The following MYO16 variants were observed in gnomAD, a reference collection of about 807,000 sequenced individuals.
The protein encoded by MYO16 is unconventional myosin-XVI.
Under a neutral mutation model 205.3 loss-of-function variants are expected in MYO16, and 94 were observed. The observed-to-expected ratio is 0.46, with a 90% CI of 0.39 to 0.54. The LOEUF (loss-of-function observed/expected upper bound fraction) is 0.54. MYO16 is among the 20% of genes least tolerant of loss of function. The pLI is 0.00. For missense variants in MYO16, 2,315 were observed against 2,387.5 expected (o/e 0.97, Z 0.63); for synonymous variants, 988 against 954.0 (o/e 1.04, Z -0.66).
At chr13:108,680,208 A>C (rs1882405381) in intron 2 of MYO16, among the ~76,000 whole-genome samples, 1 of 152,216 alleles carries the variant, frequency 6.6e-6, no homozygotes, top group African/African-American at 2.4e-5. Context: ...CCATGAGAGC[A>C]GGCTCTGGCT....
the MYO16 span, among the ~76,000 whole-genome samples, chr13:108,569,309 A>G: frequency 6.6e-6 from 1 of 151,754 alleles, no homozygotes; most frequent in Non-Finnish European, 1.5e-5. Flanking sequence ...AATGCCTTTT[A>G]TTTACTTTGA....
At chr13:108,867,107 A>T (rs566687245) in intron 12 of MYO16, among the ~76,000 whole-genome samples, 3 of 152,080 alleles carry the variant, frequency 2.0e-5, no homozygotes, top group Admixed American at 6.6e-5. Flanking sequence ...ACTTTGGAGG[A>T]CCAAGGCTGG....
At chr13:108,868,137 G>T (rs190415786) in intron 12 of MYO16, among the ~76,000 whole-genome samples, 18 of 151,352 alleles carry the variant, frequency 1.2e-4, no homozygotes, top group Admixed American at 6.6e-4. Flanking sequence ...ATTTTTTTTT[G>T]ATAACATATG....
At chr13:108,907,028 A>G (rs1271170731) in intron 15 of MYO16, among the ~76,000 whole-genome samples, 1 of 152,150 alleles carries the variant, frequency 6.6e-6, no homozygotes, top group Non-Finnish European at 1.5e-5. Context: ...GGTGCTTGCT[A>G]ATTGAAGGCA....
chr13:109,017,290 A>AC (rs748115984), intron 22 of MYO16, among the ~76,000 whole-genome samples: 7 of 151,776 alleles, frequency 4.6e-5, no homozygotes, highest in Non-Finnish European at 8.8e-5. Flanking sequence ...TTGAATATTG[A>AC]CCCCCACTCT....
At chr13:108,637,719 A>G (rs7319369) in intron 1 of MYO16, among the ~76,000 whole-genome samples, 5,707 of 152,114 alleles carry the variant, frequency 0.038, 129 homozygotes, top group Middle Eastern at 0.054. Context: ...TACCAAAAAT[A>G]TATAAATTAG....
chr13:108,625,734 A>G (rs1555333013), upstream of MYO16, among the ~76,000 whole-genome samples: 1 of 152,248 alleles, frequency 6.6e-6, no homozygotes, highest in Non-Finnish European at 1.5e-5. Context: ...AATTTGCATA[A>G]CAAAAAACTG....
intron 16 of MYO16, among the ~76,000 whole-genome samples, chr13:108,911,172 A>C (rs542744000): frequency 4.6e-5 from 7 of 151,934 alleles, no homozygotes; most frequent in Non-Finnish European, 7.4e-5. Context: ...TTCCCCAGCA[A>C]GCCCTCCTCT....
intron 27 of MYO16, among the ~76,000 whole-genome samples, chr13:109,072,936 C>T (rs115972067): frequency 6.6e-6 from 1 of 152,218 alleles, no homozygotes; most frequent in African/African-American, 2.4e-5. Context: ...TATGGATTGT[C>T]TGCTACGTAC....
chr13:108,733,968 CA>C (rs528905537), intron 4 of MYO16, among the ~76,000 whole-genome samples: 1 of 149,986 alleles, frequency 6.7e-6, no homozygotes, highest in South Asian at 2.1e-4. Flanking sequence ...GACTCCGTCT[CA>C]AAAAAAAATA....
At chr13:109,068,933 A>T (rs12428368) in intron 27 of MYO16, among the ~76,000 whole-genome samples, 1,818 of 152,252 alleles carry the variant, frequency 0.012, 21 homozygotes, top group South Asian at 0.033. Context: ...AAATGGGTCA[A>T]TAGTCAACAA....
At chr13:108,618,250 G>C (rs1257250431) in intron 1 of MYO16, among the ~76,000 whole-genome samples, 1 of 152,080 alleles carries the variant, frequency 6.6e-6, no homozygotes, top group Non-Finnish European at 1.5e-5. Flanking sequence ...TCATTTTTCA[G>C]GTCAGGGATC....
At chr13:108,568,795 C>T in the MYO16 span, among the ~76,000 whole-genome samples, 1 of 151,928 alleles carries the variant, frequency 6.6e-6, no homozygotes, top group African/African-American at 2.4e-5. Flanking sequence ...AGATTTACTC[C>T]TACATTTTCT....
the MYO16 span, among the ~76,000 whole-genome samples, chr13:108,524,249 G>A: frequency 1.2e-4 from 18 of 151,718 alleles, no homozygotes; most frequent in East Asian, 7.8e-4. Context: ...GCAGTGAGCC[G>A]AGATTGCGCC....
chr13:108,955,443 C>G (rs962259736), intron 16 of MYO16, among the ~76,000 whole-genome samples: 1 of 152,214 alleles, frequency 6.6e-6, no homozygotes, highest in African/African-American at 2.4e-5. Flanking sequence ...ACAGATCCAG[C>G]TCACATGGCC....
chr13:109,122,140 T>C (rs1876019366), intron 29 of MYO16, among the ~76,000 whole-genome samples: 1 of 152,162 alleles, frequency 6.6e-6, no homozygotes, highest in Non-Finnish European at 1.5e-5. Context: ...ATCCAGAGCT[T>C]TATCTGCAGC....
At chr13:109,173,693 A>G (rs1879013412) in intron 33 of MYO16, among the ~76,000 whole-genome samples, 1 of 151,436 alleles carries the variant, frequency 6.6e-6, no homozygotes, top group Non-Finnish European at 1.5e-5. Flanking sequence ...CAGGCGATCG[A>G]GACCATCCTG....
intron 1 of MYO16, among the ~76,000 whole-genome samples, chr13:108,624,052 A>C (rs527842460): frequency 6.6e-6 from 1 of 152,206 alleles, no homozygotes; most frequent in Non-Finnish European, 1.5e-5. Flanking sequence ...TAAGAGCATG[A>C]TTCAACTAAA....
intron 27 of MYO16, among the ~76,000 whole-genome samples, chr13:109,089,252 C>T (rs895586119): frequency 6.6e-6 from 1 of 151,718 alleles, no homozygotes; most frequent in African/African-American, 2.4e-5. Context: ...CTCGCCCTGT[C>T]CCCCAGGCTG....
Sources: gnomAD v4.1 joint callset for allele counts (sites outside exome capture counted in the v4.1 genomes callset) on GRCh38, gnomAD v4.1.1 for gene constraint, MANE v1.5 for transcripts, NCBI Gene and HGNC (gene_info 2026-07-23, HGNC 2026-07-21) for gene names.